The following CACNA2D3 variants were observed in gnomAD, a reference collection of about 807,000 sequenced individuals.
CACNA2D3 encodes calcium voltage-gated channel auxiliary subunit alpha2delta 3, also known as voltage-dependent calcium channel subunit alpha-2/delta-3.
In CACNA2D3, 60 loss-of-function variants were observed where a neutral mutation model predicts 160.6. That is an observed-to-expected ratio of 0.37 (90% CI 0.30 to 0.46). The LOEUF (loss-of-function observed/expected upper bound fraction) is 0.46. Among genes scored for constraint, CACNA2D3 ranks in the 20% least tolerant of loss-of-function variants. CACNA2D3 has a pLI of 1.00. For missense variants in CACNA2D3, 1,205 were observed against 1,365.0 expected, an observed-to-expected ratio of 0.88 and a Z score of 1.85; for synonymous variants, 558 against 492.9, an observed-to-expected ratio of 1.13 and a Z score of -1.75.
rs1197140993 is a variant in CACNA2D3, at chr3:54,411,326, T to C, written c.381+24552T>C. Among the ~76,000 whole-genome samples, 4 of 152,212 alleles carry C rather than the reference T, an allele frequency of 2.6e-5. No homozygotes were observed. The East Asian group carries it at 5.8e-4, about 22-fold the overall frequency. Reference sequence around the variant, plus strand: ...GTGGGTAAAATGCTATCAAACAACATTGCATGCTACTGAGAAATCTTTTGT... The same window carrying C: ...GTGGGTAAAATGCTATCAAACAACACTGCATGCTACTGAGAAATCTTTTGT... On this transcript the variant is annotated intron_variant, in intron 4 of 37. Transcript: ENST00000474759.
In CACNA2D3 at chr3:54,645,155, G is replaced by A. The variant is rs1056049663; in HGVS notation, c.1167+2914G>A. Among the ~76,000 whole-genome samples, 5 of 152,204 alleles carry A rather than the reference G, an allele frequency of 3.3e-5. No homozygotes were observed. The East Asian group carries it at 9.6e-4, about 29-fold the overall frequency. ...CAGGAAACTTACAATCATGGCAGAA[G>A]GGGAAGCAGGCACATCTTACATGGC... On this transcript the variant is annotated intron_variant, in intron 11 of 37. Coordinates refer to ENST00000474759, the MANE Select transcript of CACNA2D3 (RefSeq NM_018398.3).
chr3:54,374,422 T>A (rs1698974045), intron 3 of CACNA2D3, among the ~76,000 whole-genome samples: 1 of 152,238 alleles, frequency 6.6e-6, no homozygotes, highest in African/African-American at 2.4e-5. Context: ...CATGTGGTGG[T>A]AGGCCTCCAG....
rs539479715 is a variant in CACNA2D3, at chr3:54,815,876, G to A, written c.1381-977G>A. Among the ~76,000 whole-genome samples the A allele has an allele frequency of 3.8e-3, 581 of 152,288 alleles. 8 individuals carry two copies. Among genetic ancestry groups the A allele is most frequent in the African/African-American group, 0.013 (561 of 41,558 alleles). On this transcript the variant is annotated intron_variant, in intron 13 of 37. Coordinates refer to ENST00000474759, the MANE Select transcript of CACNA2D3 (RefSeq NM_018398.3). ...TTGAGAAGTAAATCTTCGTAATGAT[G>A]TAATTCTTAGATTGGGTATTTAATA...
At chr3:54,903,426 A>G (rs1239605691) in intron 27 of CACNA2D3, among the ~76,000 whole-genome samples, 2 of 152,160 alleles carry the variant, frequency 1.3e-5, no homozygotes, top group East Asian at 3.9e-4. Context: ...CATGGTGTAT[A>G]TGTACCACAT....
Position 54,280,777 on chromosome 3 carries a change from G to A in CACNA2D3, c.205-39665G>A, listed in dbSNP as rs114190670. On this transcript the variant is annotated intron_variant, in intron 2 of 37. Transcript: ENST00000474759. ...CCCTCTGCATCATTCATTCCCTCTC[G>A]CCATCACCTTTCTTAGCTAACGATT... 3.5e-3 allele frequency among the ~76,000 whole-genome samples: 528 copies of A among 151,988 alleles called. 4 individuals are homozygous for A. The highest frequency in any genetic ancestry group is 0.017 in the Middle Eastern group (5 of 294).
chr3:54,617,887 C>T (rs975556024), intron 9 of CACNA2D3, among the ~76,000 whole-genome samples: 1 of 152,024 alleles, frequency 6.6e-6, no homozygotes, highest in Non-Finnish European at 1.5e-5. Context: ...ACTGAGACAG[C>T]TGCACTCCCA....
intron 9 of CACNA2D3, among the ~76,000 whole-genome samples, chr3:54,587,926 A>G (rs73841691): frequency 0.012 from 1,870 of 152,334 alleles, 27 homozygotes; most frequent in African/African-American, 0.04. Context: ...TCAATTTTAC[A>G]CAATCTCTTC....
chr3:54,892,401 G>A (rs1700090500), intron 25 of CACNA2D3, among the ~76,000 whole-genome samples: 1 of 152,034 alleles, frequency 6.6e-6, no homozygotes, highest in Admixed American at 6.6e-5. Context: ...GCTTGACAGT[G>A]CTGTTTGCCT....
chr3:54,385,818 G>A (rs1017375738), intron 3 of CACNA2D3: 3 of 437,912 alleles, frequency 6.9e-6, no homozygotes, highest in African/African-American at 4.1e-5. Flanking sequence ...GACAGCATAG[G>A]ATACAAGAGT....
intron 3 of CACNA2D3, among the ~76,000 whole-genome samples, chr3:54,360,892 T>C (rs1200695023): frequency 2.0e-5 from 3 of 152,284 alleles, no homozygotes; most frequent in Middle Eastern, 3.4e-3. Context: ...ATGTGTTTTA[T>C]TTGGTTTTTC....
chr3:54,742,184 C>A (rs542053533), intron 11 of CACNA2D3, among the ~76,000 whole-genome samples: 2 of 152,038 alleles, frequency 1.3e-5, no homozygotes, highest in African/African-American at 4.8e-5. Flanking sequence ...TTTGGGAAGT[C>A]GAGGCGAGTT....
chr3:54,436,772 C>A (rs1353323349), intron 4 of CACNA2D3, among the ~76,000 whole-genome samples: 1 of 152,102 alleles, frequency 6.6e-6, no homozygotes, highest in Non-Finnish European at 1.5e-5. Flanking sequence ...CACCCTGGGG[C>A]CTGTCGGGGG....
At chr3:54,463,917 C>G (rs1191688082) in intron 4 of CACNA2D3, among the ~76,000 whole-genome samples, 1 of 152,142 alleles carries the variant, frequency 6.6e-6, no homozygotes, top group Non-Finnish European at 1.5e-5. Flanking sequence ...TACTTTTGGT[C>G]TTTGATGATG....
At chr3:54,329,783 G>T (rs1704204418) in intron 3 of CACNA2D3, among the ~76,000 whole-genome samples, 1 of 152,100 alleles carries the variant, frequency 6.6e-6, no homozygotes, top group African/African-American at 2.4e-5. Flanking sequence ...AAAGACCACT[G>T]TCTATAATTT....
chr3:54,742,968 A>G (rs1701684017), intron 11 of CACNA2D3, among the ~76,000 whole-genome samples: 1 of 152,246 alleles, frequency 6.6e-6, no homozygotes, highest in South Asian at 2.1e-4. Flanking sequence ...GGAACTGAGC[A>G]TAGAGAAAGT....
intron 11 of CACNA2D3, among the ~76,000 whole-genome samples, chr3:54,749,477 T>C (rs2107062210): frequency 6.6e-6 from 1 of 152,344 alleles, no homozygotes; most frequent in East Asian, 1.9e-4. Flanking sequence ...CTTCTGTCCT[T>C]TTTGTTACCT....
At chr3:54,656,293 C>T (rs1699873437) in intron 11 of CACNA2D3, among the ~76,000 whole-genome samples, 1 of 152,188 alleles carries the variant, frequency 6.6e-6, no homozygotes, top group Admixed American at 6.5e-5. Flanking sequence ...TCATTCACTC[C>T]CTTGGCAAAA....
intron 4 of CACNA2D3, among the ~76,000 whole-genome samples, chr3:54,410,371 AAGAG>A (rs1015707616): frequency 6.6e-6 from 1 of 152,016 alleles, no homozygotes; most frequent in Non-Finnish European, 1.5e-5. Context: ...AGAAAAAAAA[AAGAG>A]AGAGGAGAAT....
At chr3:54,178,590 G>A (rs905486566) in intron 2 of CACNA2D3, among the ~76,000 whole-genome samples, 7 of 152,220 alleles carry the variant, frequency 4.6e-5, no homozygotes, top group African/African-American at 1.7e-4. Flanking sequence ...TCTGAGGGCT[G>A]TCTTGGTTGT....
Sources: allele counts gnomAD v4.1 joint callset (sites outside exome capture counted in the v4.1 genomes callset), GRCh38; gene constraint gnomAD v4.1.1; transcripts MANE v1.5; gene names NCBI Gene and HGNC (gene_info 2026-07-23, HGNC 2026-07-21).